Variants in CALU observed in about 807,000 individuals in gnomAD.
The protein encoded by CALU is calumenin, also known as IEF SSP 9302.
A neutral mutation model predicts 37.5 loss-of-function variants in CALU; 13 were observed. The ratio of observed to expected loss-of-function variants is 0.35; its 90% CI spans 0.23 to 0.55. CALU has a LOEUF of 0.55. CALU is among the 20% of genes least tolerant of loss of function. The pLI is 0.89. For missense variants in CALU, 282 were observed against 391.7 expected, an observed-to-expected ratio of 0.72 and a Z score of 2.36; for synonymous variants, 114 against 133.8, an observed-to-expected ratio of 0.85 and a Z score of 1.02.
At position 128,748,712 on chromosome 7, in the gene CALU, G is replaced by A. The variant is rs1164222957; in HGVS notation, c.129G>A (p.Gln43=). ...QLSDKVHNDA[Q]SFDYDHDAFL... The stretch of plus-strand genomic sequence containing the variant: ...GTGACAAGGTTCACAATGATGCTCA[G>A]AGTTTTGATTATGACCATGATGCCT... The change falls in exon 2 of 7, where the codon CAG becomes CAA. Residue 43 remains glutamine (Q), a synonymous_variant. Transcript: ENST00000249364. The A allele has an allele frequency of 1.2e-6, 2 of 1,614,174 alleles. No individual in the cohort carries two copies.
chr7:128,763,944 CTCTTTA>C (rs1801222022), intron 5 of CALU, among the ~76,000 whole-genome samples: 1 of 152,214 alleles, frequency 6.6e-6, no homozygotes, highest in Non-Finnish European at 1.5e-5. Context: ...ATTTAGATTT[CTCTTTA>C]GGTGTTTTCC....
intron 6 of CALU, 113 bp from the exon 7 acceptor site, chr7:128,768,950 A>G: frequency 1.6e-6 from 1 of 620,972 alleles, no homozygotes; most frequent in Non-Finnish European, 2.9e-6. Context: ...CACTTAATTT[A>G]GTAGAAATGA....
chr7:128,753,079 G>C (rs953402590), intron 2 of CALU, among the ~76,000 whole-genome samples: 1 of 152,334 alleles, frequency 6.6e-6, no homozygotes, highest in East Asian at 1.9e-4. Flanking sequence ...TTACTTACAG[G>C]ATTTAAGTAA....
chr7:128,762,460 G>A (rs1425848789), intron 5 of CALU, among the ~76,000 whole-genome samples: 1 of 147,998 alleles, frequency 6.8e-6, no homozygotes, highest in Non-Finnish European at 1.5e-5. Context: ...CTCCCAAACA[G>A]TATCTTTCAG....
chr7:128,754,657 A>T (rs1243642222), intron 3 of CALU: 1 of 1,552,306 alleles, frequency 6.4e-7, no homozygotes, highest in Admixed American at 2.0e-5. Flanking sequence ...CAGGAGTTTG[A>T]TATGAATCAA....
rs377208707 is a variant in CALU, at chr7:128,767,444, C to A, written c.644-12C>A. The A allele has an allele frequency of 2.3e-5, 37 of 1,600,160 alleles. No individual in the cohort carries two copies. The highest frequency in any genetic ancestry group is 2.8e-5 in the Non-Finnish European group (33 of 1,167,330). ...ACAAACCCTTCTTTTGTATGTATGT[C>A]TGTGTACCCAGGTGACATGTACAGC... On this transcript the variant is annotated splice_polypyrimidine_tract_variant and intron_variant, in intron 5 of 6. Transcript: ENST00000249364.
At chr7:128,761,342 G>A (rs1801107712) in intron 5 of CALU, 1 of 152,128 alleles carries the variant, frequency 6.6e-6, no homozygotes. Flanking sequence ...AAAGGAGCTG[G>A]GTGTGGTGGC....
At chr7:128,744,690 G>C (rs940282304) in intron 1 of CALU, among the ~76,000 whole-genome samples, 1 of 152,100 alleles carries the variant, frequency 6.6e-6, no homozygotes, top group African/African-American at 2.4e-5. Context: ...AGAGGCAGCA[G>C]GGTAGAAACT....
chr7:128,753,054 G>A (rs1305358890), intron 2 of CALU, among the ~76,000 whole-genome samples: 5 of 152,238 alleles, frequency 3.3e-5, no homozygotes, highest in Non-Finnish European at 7.3e-5. Context: ...CACATTCTCT[G>A]AAGGAAAATG....
Position 128,771,390 on chromosome 7 carries a change from A to AT in CALU, c.*2229dup, listed in dbSNP as rs970493889. 6 of 152,536 alleles carry AT rather than the reference A, an allele frequency of 3.9e-5. No individual in the cohort carries two copies. The highest frequency in any genetic ancestry group is 1.4e-4 in the African/African-American group (6 of 41,416). 9.4% of individuals were successfully genotyped at this position (152,536 alleles called of 1,614,324 possible). On this transcript the variant is annotated 3_prime_UTR_variant, in exon 7 of 7. Coordinates refer to ENST00000249364, the MANE Select transcript of CALU (RefSeq NM_001219.5). Reference sequence around the variant, plus strand: ...GCTCTCTTGAATTTGGATATTGGTTATTTTTTATAGAGTGTAAACCAAGTT... The same window carrying AT: ...GCTCTCTTGAATTTGGATATTGGTTATTTTTTTATAGAGTGTAAACCAAGTT...
intron 1 of CALU, among the ~76,000 whole-genome samples, chr7:128,745,003 A>G (rs141113294): frequency 6.6e-4 from 100 of 152,348 alleles, no homozygotes; most frequent in South Asian, 8.3e-4. Context: ...TGTATGCTAC[A>G]TGTCTCAAAA....
At chr7:128,760,562 C>T (rs565846574) in intron 5 of CALU, among the ~76,000 whole-genome samples, 122 of 152,236 alleles carry the variant, frequency 8.0e-4, no homozygotes, top group Non-Finnish European at 1.3e-3. Flanking sequence ...TGGCTACCAT[C>T]CTCAACAGCA....
rs565551203 is a variant in CALU, at chr7:128,767,476, G to A, written c.664G>A (p.Gly222Arg). 3 of 1,613,742 alleles carry A rather than the reference G, an allele frequency of 1.9e-6. No individual in the cohort carries two copies. In the East Asian group the frequency reaches 6.7e-5, roughly 36 times the overall value. The change falls in exon 6 of 7, where the codon GGG (glycine) becomes AGG (arginine). Residue 222 changes from glycine (G) to arginine (R), a missense_variant. Transcript: ENST00000249364. ...EYIGDMYSHD[G>R]NTDEPEWVKT... ...CCCAGGTGACATGTACAGCCATGAT[G>A]GGAATACTGATGAGCCAGAATGGGT...
Position 128,759,820 on chromosome 7 carries a change from C to T in CALU, c.611C>T (p.Ala204Val). 7.1e-7 allele frequency: 1 copy of T among 1,399,404 alleles called. No individual in the cohort carries two copies. Among genetic ancestry groups the T allele is most frequent in the Non-Finnish European group, 1.0e-6 (1 of 984,650 alleles). The allele number at this position is 1,399,404 out of a possible 1,614,324, so 86.7% of individuals were successfully genotyped here. ...QETMEDIDKN[A>V]DGFIDLEEYI... Reference sequence around the variant, plus strand: ...ACAATGGAAGATATAGATAAGAATGCTGATGGTTTCATTGATCTAGAAGAG... The same window carrying T: ...ACAATGGAAGATATAGATAAGAATGTTGATGGTTTCATTGATCTAGAAGAG... Residue 204 changes from alanine to valine, a missense_variant, in exon 5 of 7, where the codon GCT (alanine) becomes GTT (valine). Coordinates refer to ENST00000249364, the MANE Select transcript of CALU (RefSeq NM_001219.5).
At chr7:128,759,689 G>A (rs1801025949) in intron 4 of CALU, 103 bp from the exon 5 acceptor site, 5 of 698,086 alleles carry the variant, frequency 7.2e-6, no homozygotes. Flanking sequence ...ATGTACAAGT[G>A]TGTTTAATGA....
chr7:128,755,586 A>G (rs1414901301), intron 3 of CALU, among the ~76,000 whole-genome samples: 2 of 152,146 alleles, frequency 1.3e-5, no homozygotes, highest in African/African-American at 4.8e-5. Context: ...CTGCTTTGCA[A>G]GTGCTTTAAG....
rs117823933 is a variant in CALU at position 128,746,027 on chromosome 7, G to A, written c.-11-2546G>A. ...TATACAAATAAAAACAAGCTGGGGA[G>A]ATTGTTTAATTTTGTTTTGCTTTTT... On this transcript the variant is annotated intron_variant, in intron 1 of 6. Coordinates refer to ENST00000249364, the MANE Select transcript of CALU (RefSeq NM_001219.5). Among the ~76,000 whole-genome samples, 846 of 152,260 alleles carry A rather than the reference G, an allele frequency of 5.6e-3. 2 individuals carry two copies. The highest frequency in any genetic ancestry group is 8.6e-3 in the Non-Finnish European group (583 of 68,018).
chr7:128,765,272 G>A (rs1801286914), intron 5 of CALU, among the ~76,000 whole-genome samples: 1 of 152,016 alleles, frequency 6.6e-6, no homozygotes, highest in Non-Finnish European at 1.5e-5. Context: ...CTAGGCTGGA[G>A]TGCAGTGGCA....
intron 1 of CALU, chr7:128,748,307 C>A: frequency 7.4e-7 from 1 of 1,345,508 alleles, no homozygotes; most frequent in Non-Finnish European, 1.0e-6. Flanking sequence ...TGAAAGAAAA[C>A]AGAAAGTGGA....
Sources: allele counts gnomAD v4.1 joint callset (sites outside exome capture counted in the v4.1 genomes callset), GRCh38; gene constraint gnomAD v4.1.1; transcripts MANE v1.5; gene names NCBI Gene and HGNC (gene_info 2026-07-23, HGNC 2026-07-21).